The following TSC2 variants were observed in gnomAD, a reference collection of about 807,000 sequenced individuals.
TSC2 encodes the protein TSC complex subunit 2.
TSC2 carries 29 observed loss-of-function variants against 202.2 expected under a neutral mutation model. That is an observed-to-expected ratio of 0.14 (90% CI 0.11 to 0.20). The LOEUF (loss-of-function observed/expected upper bound fraction) is 0.20, where lower values mean the gene tolerates loss of function less well. TSC2 is among the 10% of genes least tolerant of loss of function. TSC2 has a pLI of 1.00. For synonymous variants in TSC2, 1,349 were observed against 1,044.0 expected (o/e 1.29, Z -5.63); for missense variants, 2,429 against 2,420.0 (o/e 1.00, Z -0.08).
At chr16:2,073,030 C>T (rs1000896060) in intron 21 of TSC2, 47 bp downstream of exon 21, 7 of 1,612,224 alleles carry the variant, frequency 4.3e-6, no homozygotes, top group African/African-American at 4.0e-5. Context: ...GCCTGGGATT[C>T]GAGGGCCTGG....
chr16:2,066,148 C>A (rs1183785444), intron 16 of TSC2: 1 of 155,216 alleles, frequency 6.4e-6, no homozygotes, highest in Middle Eastern at 3.1e-3. Flanking sequence ...CCCGTTGCTC[C>A]CGTACCCCCG....
At chr16:2,063,560 C>T (rs984965287) in intron 14 of TSC2, 1 of 254,412 alleles carries the variant, frequency 3.9e-6, no homozygotes, top group Admixed American at 5.1e-5. Flanking sequence ...TCCCAGGAGG[C>T]GCAGCTTAGG....
intron 18 of TSC2, 75 bp from the exon 19 acceptor site, chr16:2,071,709 A>C (rs2088430876): frequency 6.3e-7 from 1 of 1,595,720 alleles, no homozygotes; most frequent in Non-Finnish European, 8.5e-7. Flanking sequence ...GGGATGTCCC[A>C]GGGTTGGGAA....
intron 11 of TSC2, chr16:2,061,197 C>T: frequency 2.9e-6 from 1 of 346,484 alleles, no homozygotes; most frequent in Non-Finnish European, 5.6e-6. Flanking sequence ...TTAACCACAG[C>T]TTTAAGGAGG....
Position 2,083,704 on chromosome 16 carries a change from T to C in TSC2, c.3893T>C (p.Val1298Ala), listed in dbSNP as rs758677443. Residue 1298 changes from valine to alanine, a missense_variant, in exon 33 of 42, where the codon GTG becomes GCG. Physicochemically the swap from Val to Ala is moderately conservative, Grantham distance 64. Coordinates refer to ENST00000219476, the MANE Select transcript of TSC2 (RefSeq NM_000548.5). ...HRSVSWADSA[V>A]VMEEGSPGEV... is the part of the protein sequence containing the mutation. Reference sequence around the variant, plus strand: ...GTCTGTGTCCTCCCAGACTCCGCCGTGGTCATGGAGGAGGGAAGTCCGGGC... The same window carrying C: ...GTCTGTGTCCTCCCAGACTCCGCCGCGGTCATGGAGGAGGGAAGTCCGGGC... The C allele has an allele frequency of 3.1e-6, 5 of 1,587,444 alleles. No homozygotes were observed. The African/African-American group carries it at 6.7e-5, about 21-fold the overall frequency.
In TSC2 at chr16:2,084,466, AGGCCCGGTCACAGTCAGGGACCCT is replaced by A; in HGVS notation, c.4247_4270del (p.Ala1416_Leu1423del). On this transcript the variant is annotated inframe_deletion, in exon 34 of 42. Transcript: ENST00000219476. ...GTGGGCCGGCTGAGCCCTGAGGTTA[AGGCCCGGTCACAGTCAGGGACCCT>A]GGACGGGGAAAGTGCTGCCTGGTCG... The A allele has an allele frequency of 1.9e-6, 3 of 1,609,214 alleles. No homozygotes were observed. The highest frequency in any genetic ancestry group is 2.5e-6 in the Non-Finnish European group (3 of 1,178,620).
chr16:2,072,866 A>G lies in TSC2; in HGVS notation c.2238A>G (p.Thr746=), dbSNP rs1060504115. 3 of 1,613,516 alleles carry G rather than the reference A, an allele frequency of 1.9e-6. No homozygotes were observed. The highest frequency in any genetic ancestry group is 1.3e-5 in the African/African-American group (1 of 74,948). ...ALCSMLSGPK[T]LERLRGAPEG... is the part of the protein sequence containing the mutation. ...GTCATCAGCTTTCAGGCCCAAAGACACTGGAGCGGCTCCGAGGCGCCCCAG... is the reference window on the plus strand; with the variant it reads ...GTCATCAGCTTTCAGGCCCAAAGACGCTGGAGCGGCTCCGAGGCGCCCCAG... The change falls in exon 21 of 42, where the codon ACA becomes ACG. Residue 746 remains threonine, a synonymous_variant. Coordinates refer to ENST00000219476, the MANE Select transcript of TSC2 (RefSeq NM_000548.5).
chr16:2,083,612 G>C, intron 32 of TSC2, 83 bp from the exon 33 acceptor site: 1 of 1,544,808 alleles, frequency 6.5e-7, no homozygotes, highest in African/African-American at 1.4e-5. Flanking sequence ...CTCTGGTCAG[G>C]AGAAGGCTGG....
chr16:2,048,088 C>A, intron 1 of TSC2, 23 bp downstream of exon 1: 1 of 1,434,942 alleles, frequency 7.0e-7, no homozygotes, highest in Non-Finnish European at 9.1e-7. Flanking sequence ...CCCCACGGGG[C>A]AAGTGGCGGT....
intron 3 of TSC2, among the ~76,000 whole-genome samples, chr16:2,051,322 A>G (rs2085095781): frequency 6.6e-6 from 1 of 151,212 alleles, no homozygotes; most frequent in Non-Finnish European, 1.5e-5. Flanking sequence ...TCTGTCTCAA[A>G]AAAAAAAAAA....
rs1157179094 is a variant in TSC2 at position 2,084,087 on chromosome 16, G to A, written c.4006-141G>A. 9 of 1,460,914 alleles carry A rather than the reference G, an allele frequency of 6.2e-6. No individual in the cohort carries two copies. The Admixed American group carries it at 1.8e-4, about 29-fold the overall frequency. The allele number at this position is 1,460,914 out of a possible 1,614,324, so 90.5% of individuals were successfully genotyped here. On this transcript the variant is annotated intron_variant, in intron 33 of 41. Transcript: ENST00000219476. Reference sequence around the variant, plus strand: ...GGTGGCAGTGCTGCTGCGTCAACGGGCGGGGGCCGTAGCCTGGTGCTCGGG... The same window carrying A: ...GGTGGCAGTGCTGCTGCGTCAACGGACGGGGGCCGTAGCCTGGTGCTCGGG...
Position 2,088,626 on chromosome 16 carries a change from T to TCCTGCACTGGC in TSC2, c.*18_*28dup. On this transcript the variant is annotated 3_prime_UTR_variant, in exon 42 of 42. Coordinates refer to ENST00000219476, the MANE Select transcript of TSC2 (RefSeq NM_000548.5). ...GTTTGTGTGAGGCCGGGGCCCTCCC[T>TCCTGCACTGGC]CCTGCACTGGCCTTGGACGGTATTG... The TCCTGCACTGGC allele has an allele frequency of 3.1e-6, 5 of 1,597,834 alleles. No homozygotes were observed. The highest frequency in any genetic ancestry group is 4.2e-6 in the Non-Finnish European group (5 of 1,178,474).
At chr16:2,063,190 C>T (rs572877693) in intron 14 of TSC2, 137 bp downstream of exon 14, 40 of 1,102,094 alleles carry the variant, frequency 3.6e-5, no homozygotes, top group African/African-American at 1.5e-4. Flanking sequence ...CAGCCCCCAG[C>T]GTGGTCTGTT....
intron 32 of TSC2, chr16:2,083,245 G>T (rs1297678677): frequency 1.3e-5 from 6 of 461,600 alleles, no homozygotes; most frequent in Non-Finnish European, 2.2e-5. Context: ...GTCTGGCTTG[G>T]AGTTGGAGGG....
intron 14 of TSC2, 150 bp downstream of exon 14, chr16:2,063,203 C>T (rs1442628877): frequency 2.1e-6 from 2 of 941,092 alleles, no homozygotes; most frequent in South Asian, 1.4e-5. Context: ...GGTCTGTTTA[C>T]CCCTGTTCAT....
At chr16:2,060,134 G>C (rs1288092639) in intron 10 of TSC2, among the ~76,000 whole-genome samples, 1 of 152,156 alleles carries the variant, frequency 6.6e-6, no homozygotes, top group Non-Finnish European at 1.5e-5. Flanking sequence ...ACAGACGCTG[G>C]TGGTACAGCT....
chr16:2,087,634 G>A (rs892041190), intron 38 of TSC2, among the ~76,000 whole-genome samples: 1 of 152,206 alleles, frequency 6.6e-6, no homozygotes, highest in Non-Finnish European at 1.5e-5. Context: ...CCAGCAATTA[G>A]AGGTGTCTTG....
intron 4 of TSC2, chr16:2,054,056 C>T (rs1408316877): frequency 1.7e-6 from 1 of 595,612 alleles, no homozygotes; most frequent in African/African-American, 1.9e-5. Flanking sequence ...GCGCCACCCG[C>T]TGTGCCAGGT....
At chr16:2,064,673 C>T (rs1241956338) in intron 15 of TSC2, 1 of 603,836 alleles carries the variant, frequency 1.7e-6, no homozygotes, top group Non-Finnish European at 2.9e-6. Context: ...GCTGGGCCTC[C>T]TGGACCGACG....
Sources: allele counts gnomAD v4.1 joint callset (sites outside exome capture counted in the v4.1 genomes callset), GRCh38; gene constraint gnomAD v4.1.1; transcripts MANE v1.5; gene names NCBI Gene and HGNC (gene_info 2026-07-23, HGNC 2026-07-21).